AHCTF1: variants seen among roughly 807,000 people sequenced by gnomAD.
The protein encoded by AHCTF1 is AT-hook containing transcription factor 1, also known as protein ELYS.
Under a neutral mutation model 248.4 loss-of-function variants are expected in AHCTF1, and 24 were observed. The ratio of observed to expected loss-of-function variants is 0.10; its 90% CI spans 0.07 to 0.14. The LOEUF is 0.14. AHCTF1 is among the 10% of genes least tolerant of loss of function. The pLI is 1.00. For synonymous variants in AHCTF1, 786 were observed against 929.8 expected (o/e 0.85, Z 2.81); for missense variants, 2,206 against 2,636.2 (o/e 0.84, Z 3.57).
chr1:246,868,029 C>A (rs1662138073), intron 24 of AHCTF1, among the ~76,000 whole-genome samples: 1 of 151,480 alleles, frequency 6.6e-6, no homozygotes, highest in African/African-American at 2.4e-5. Flanking sequence ...GTGGCATGAT[C>A]TCGGCTCACT....
chr1:246,909,079 A>ATATCTATCTATCTATCTATC (rs10657928), intron 4 of AHCTF1, among the ~76,000 whole-genome samples: 24 of 143,286 alleles, frequency 1.7e-4, no homozygotes, highest in South Asian at 6.6e-4. Context: ...ATATATATCT[A>ATATCTATCTATCTATCTATC]TATCTATCTA....
chr1:246,884,841 C>A (rs1663700404), intron 21 of AHCTF1, among the ~76,000 whole-genome samples: 2 of 152,128 alleles, frequency 1.3e-5, no homozygotes, highest in Non-Finnish European at 2.9e-5. Context: ...AATGCAATGA[C>A]AAAATTGAAA....
rs1033750757 is a variant in AHCTF1 at position 246,857,952 on chromosome 1, T to C, written c.4133-138A>G. On this transcript the variant is annotated intron_variant, in intron 29 of 35. Transcript: ENST00000648844. ...GTTTGCTGCTGTGTTATCAGACTGC[T>C]AACACTTTCTTCTTTTTTTTTTTTT... 6 of 665,954 alleles carry C rather than the reference T, an allele frequency of 9.0e-6. No individual in the cohort carries two copies. The African/African-American group carries it at 1.1e-4, about 13-fold the overall frequency. 41.3% of individuals were successfully genotyped at this position (665,954 alleles called of 1,614,324 possible). A position where few individuals can be genotyped will look rare whatever the true frequency, so the allele number is the denominator to read the frequency against.
intron 21 of AHCTF1, among the ~76,000 whole-genome samples, chr1:246,877,541 A>G (rs548522949): frequency 2.8e-4 from 41 of 144,392 alleles, no homozygotes; most frequent in East Asian, 1.7e-3. Flanking sequence ...ATAAAAAAGC[A>G]AAGTAGACAA....
In AHCTF1 at chr1:246,931,182, C is replaced by A. The variant is rs570299748; in HGVS notation, c.-8+396G>T. On this transcript the variant is annotated intron_variant, in intron 1 of 35. Transcript: ENST00000648844. ...ACACGCCAACACAGGACAGGCTCAG[C>A]ACGCCGGCCGCTTCCCTCGGGGAAA... 4.5e-6 allele frequency: 7 copies of A among 1,550,348 alleles called. No homozygotes were observed. The South Asian group carries it at 7.1e-5, about 16-fold the overall frequency.
intron 29 of AHCTF1, 145 bp downstream of exon 29, chr1:246,860,754 C>T: frequency 5.5e-6 from 6 of 1,083,396 alleles, no homozygotes; most frequent in Non-Finnish European, 7.9e-6. Context: ...AATCCTCCAG[C>T]CTCAGCCTCC....
chr1:246,928,129 A>G (rs1572483798), intron 1 of AHCTF1, among the ~76,000 whole-genome samples: 1 of 151,426 alleles, frequency 6.6e-6, no homozygotes, highest in Non-Finnish European at 1.5e-5. Flanking sequence ...GTGAAACCCC[A>G]TCTCTACTAA....
At chr1:246,899,389 A>G in intron 11 of AHCTF1, 62 bp downstream of exon 11, 1 of 1,357,064 alleles carries the variant, frequency 7.4e-7, no homozygotes, top group Non-Finnish European at 1.0e-6. Flanking sequence ...TTAAATCCAT[A>G]AATCAACTAT....
rs759818901 is a variant in AHCTF1 at position 246,905,570 on chromosome 1, G to A, written c.852C>T (p.Tyr284=). 1.2e-6 allele frequency: 2 copies of A among 1,612,230 alleles called. No homozygotes were observed. The highest frequency in any genetic ancestry group is 1.7e-6 in the Non-Finnish European group (2 of 1,179,924). ...EPENDPRNCC[Y]LWAVQSTQDS... ...CTTGTGTAGACTGAACAGCCCACAA[G>A]TAACAGCAATTCCGAGGATCATTCT... Residue 284 remains tyrosine (Y), a synonymous_variant, in exon 6 of 36, where the codon TAC becomes TAT. Coordinates refer to ENST00000648844, the MANE Select transcript of AHCTF1 (RefSeq NM_001323342.2).
intron 29 of AHCTF1, among the ~76,000 whole-genome samples, chr1:246,859,559 A>G (rs1472015887): frequency 6.6e-6 from 1 of 152,106 alleles, no homozygotes; most frequent in Non-Finnish European, 1.5e-5. Flanking sequence ...ACATTTTTTG[A>G]TCACTAAAAT....
chr1:246,927,742 A>G (rs960543489), intron 1 of AHCTF1, among the ~76,000 whole-genome samples: 2 of 152,004 alleles, frequency 1.3e-5, no homozygotes, highest in African/African-American at 4.8e-5. Context: ...CGGTAGCTCA[A>G]GCCTGTAATC....
chr1:246,901,339 T>C (rs1011228289), intron 8 of AHCTF1, among the ~76,000 whole-genome samples: 3 of 149,478 alleles, frequency 2.0e-5, no homozygotes, highest in African/African-American at 7.4e-5. Context: ...ACCCTGTCTC[T>C]AAAAAAACAA....
At chr1:246,927,968 C>T (rs1424928896) in intron 1 of AHCTF1, among the ~76,000 whole-genome samples, 2 of 150,030 alleles carry the variant, frequency 1.3e-5, no homozygotes, top group African/African-American at 4.9e-5. Flanking sequence ...CCACTGCACT[C>T]CAGCCTGGCG....
chr1:246,849,861 T>C lies in AHCTF1; in HGVS notation c.6145A>G (p.Thr2049Ala), dbSNP rs774526938. ...TGGCTTTGACTTTCAGTCTTTTTTG[T>C]AAGTTTTTTCTTAGAGCTCATCACC... ...SMVMSSKKKL[T>A]KKTESQSQKR... The change falls in exon 33 of 36, where the codon ACA (threonine) becomes GCA (alanine). Residue 2049 changes from threonine (T) to alanine (A), a missense_variant. Thr to Ala is a moderately conservative substitution (Grantham distance 58, BLOSUM62 0). Coordinates refer to ENST00000648844, the MANE Select transcript of AHCTF1 (RefSeq NM_001323342.2). 12 of 1,613,736 alleles carry C rather than the reference T, an allele frequency of 7.4e-6. No individual in the cohort carries two copies. The South Asian group carries it at 1.3e-4, about 18-fold the overall frequency.
chr1:246,924,855 A>G (rs1666822861), intron 1 of AHCTF1, among the ~76,000 whole-genome samples: 1 of 106,832 alleles, frequency 9.4e-6, no homozygotes, highest in Non-Finnish European at 1.8e-5. Flanking sequence ...CCAAAAGTCT[A>G]ACCTAATATA....
chr1:246,920,289 T>C (rs905715051), intron 1 of AHCTF1, among the ~76,000 whole-genome samples: 1 of 151,842 alleles, frequency 6.6e-6, no homozygotes, highest in Non-Finnish European at 1.5e-5. Context: ...ATGTCTAATA[T>C]ATTTGTGTAA....
chr1:246,919,670 C>T (rs922973863), intron 1 of AHCTF1, among the ~76,000 whole-genome samples: 1 of 147,056 alleles, frequency 6.8e-6, no homozygotes, highest in Non-Finnish European at 1.5e-5. Context: ...CCTCACTGCA[C>T]TCTAGCCTCG....
chr1:246,889,382 T>C (rs2103134266), intron 17 of AHCTF1, among the ~76,000 whole-genome samples: 1 of 152,312 alleles, frequency 6.6e-6, no homozygotes, highest in South Asian at 2.1e-4. Flanking sequence ...GCACATACTA[T>C]TTTATTTAGC....
chr1:246,922,483 T>G (rs867744390), intron 1 of AHCTF1, among the ~76,000 whole-genome samples: 1 of 151,278 alleles, frequency 6.6e-6, no homozygotes, highest in African/African-American at 2.4e-5. Flanking sequence ...TGGAGTGCAG[T>G]GGCATTATCA....
Sources: allele counts gnomAD v4.1 joint callset (sites outside exome capture counted in the v4.1 genomes callset), GRCh38; gene constraint gnomAD v4.1.1; transcripts MANE v1.5; gene names NCBI Gene and HGNC (gene_info 2026-07-23, HGNC 2026-07-21).